Variants in SBF2 observed in about 807,000 individuals in gnomAD.
The protein encoded by SBF2 is myotubularin-related protein 13.
Under a neutral mutation model 225.2 loss-of-function variants are expected in SBF2, and 112 were observed. The observed-to-expected ratio is 0.50, with a 90% CI of 0.43 to 0.58. The LOEUF is 0.58. Among genes scored for constraint, SBF2 ranks in the 20% least tolerant of loss-of-function variants. The probability of loss-of-function intolerance (pLI) is 0.00; values close to 1 mark genes in which losing one functional copy is unlikely to be tolerated. For missense variants in SBF2, 1,996 were observed against 2,206.2 expected (o/e 0.90, Z 1.91); for synonymous variants, 763 against 773.3 (o/e 0.99, Z 0.22).
intron 1 of SBF2, among the ~76,000 whole-genome samples, chr11:10,264,626 G>A (rs1367389869): frequency 2.0e-5 from 3 of 151,948 alleles, no homozygotes; most frequent in Admixed American, 6.6e-5. Context: ...AGGTACATGT[G>A]CAGAACGTGC....
intron 16 of SBF2, among the ~76,000 whole-genome samples, chr11:9,952,526 T>C (rs1368313091): frequency 6.6e-6 from 1 of 152,176 alleles, no homozygotes; most frequent in Non-Finnish European, 1.5e-5. Flanking sequence ...GGAAAAGGCT[T>C]TCTCGGGTCT....
intron 2 of SBF2, among the ~76,000 whole-genome samples, chr11:10,081,653 G>A (rs901276097): frequency 5.9e-5 from 9 of 151,718 alleles, no homozygotes; most frequent in African/African-American, 1.7e-4. Context: ...CTAGCTACTC[G>A]GGAGGCTGAG....
chr11:10,036,796 T>C (rs916408554), intron 3 of SBF2, among the ~76,000 whole-genome samples: 7 of 152,198 alleles, frequency 4.6e-5, no homozygotes, highest in East Asian at 3.8e-4. Flanking sequence ...AAAGATAACA[T>C]CTGAGACGCC....
At chr11:10,135,273 A>G (rs1954291989) in intron 2 of SBF2, among the ~76,000 whole-genome samples, 1 of 151,956 alleles carries the variant, frequency 6.6e-6, no homozygotes, top group African/African-American at 2.4e-5. Context: ...TGGCCCAGGA[A>G]ACCATTTTTT....
chr11:9,996,851 CA>C (rs1947726373), intron 9 of SBF2, among the ~76,000 whole-genome samples: 1 of 152,160 alleles, frequency 6.6e-6, no homozygotes, highest in African/African-American at 2.4e-5. Context: ...TTTTGGCAAA[CA>C]ATCACCTAGT....
intron 17 of SBF2, among the ~76,000 whole-genome samples, chr11:9,868,044 T>C (rs1386210707): frequency 6.6e-6 from 1 of 152,142 alleles, no homozygotes; most frequent in African/African-American, 2.4e-5. Context: ...ATGTTTGAGG[T>C]GATGGATATT....
intron 2 of SBF2, among the ~76,000 whole-genome samples, chr11:10,093,846 C>T (rs538444387): frequency 2.6e-5 from 4 of 152,290 alleles, no homozygotes; most frequent in African/African-American, 9.6e-5. Flanking sequence ...ATAATACCAA[C>T]ATTCTTGTCA....
chr11:10,006,907 T>G (rs577642724), intron 6 of SBF2, among the ~76,000 whole-genome samples: 2 of 152,318 alleles, frequency 1.3e-5, no homozygotes, highest in Non-Finnish European at 2.9e-5. Flanking sequence ...ATAATCATTT[T>G]GTTGCAAGAA....
chr11:9,928,252 C>T (rs773706130), intron 16 of SBF2, among the ~76,000 whole-genome samples: 5 of 152,096 alleles, frequency 3.3e-5, no homozygotes, highest in Middle Eastern at 3.4e-3. Context: ...TTTCCAAACT[C>T]GGTAATAAGA....
In SBF2 at chr11:10,225,816, A is replaced by T. The variant is rs145435289; in HGVS notation, c.56-31829T>A. Among the ~76,000 whole-genome samples, 124 of 152,320 alleles carry T rather than the reference A, an allele frequency of 8.1e-4. 1 individual carries two copies. The highest frequency in any genetic ancestry group is 2.8e-3 in the African/African-American group (117 of 41,592). ...TTTGTAATAAGGTTGGCAAAAGTTA[A>T]ATTGACTGACAATGCCCACAGCTGA... On this transcript the variant is annotated intron_variant, in intron 1 of 39. Transcript: ENST00000256190.
chr11:9,995,275 A>T (rs4309158), intron 9 of SBF2, among the ~76,000 whole-genome samples: 79,659 of 152,040 alleles, frequency 0.52, 21,412 homozygotes, highest in Admixed American at 0.62. Context: ...AGGACCTGTG[A>T]AGGACTTGCA....
chr11:10,168,628 A>G (rs960575758), intron 2 of SBF2, among the ~76,000 whole-genome samples: 6 of 152,248 alleles, frequency 3.9e-5, no homozygotes, highest in African/African-American at 1.4e-4. Flanking sequence ...GAAATTTTAA[A>G]GAGGCCAGAA....
intron 2 of SBF2, among the ~76,000 whole-genome samples, chr11:10,070,871 T>C (rs1206950623): frequency 1.3e-5 from 2 of 152,186 alleles, no homozygotes; most frequent in Non-Finnish European, 2.9e-5. Context: ...GAAGAAGTCC[T>C]TCACATCCCT....
rs182467870 is a variant in SBF2, at chr11:10,027,731, T to C, written c.619+721A>G. ...TATATTTCTTAAATAATGTAAAAGC[T>C]GTCCAAGGTACAGTGGACACTTTCT... On this transcript the variant is annotated intron_variant, in intron 6 of 39. Transcript: ENST00000256190. Among the ~76,000 whole-genome samples the C allele has an allele frequency of 6.5e-4, 99 of 152,280 alleles. 1 individual carries two copies. The highest frequency in any genetic ancestry group is 2.0e-3 in the African/African-American group (83 of 41,560).
intron 1 of SBF2, among the ~76,000 whole-genome samples, chr11:10,226,601 T>C (rs564424002): frequency 3.3e-5 from 5 of 152,244 alleles, no homozygotes; most frequent in Admixed American, 6.5e-5. Flanking sequence ...GTCCTTGTGA[T>C]AGTTTGCTGA....
At chr11:10,224,901 T>G (rs993759575) in intron 1 of SBF2, among the ~76,000 whole-genome samples, 6 of 152,192 alleles carry the variant, frequency 3.9e-5, no homozygotes, top group African/African-American at 1.4e-4. Flanking sequence ...CCTGCATGAT[T>G]TACCAGGATG....
chr11:10,196,866 A>ATATATATATATATATTTTTTTTTT lies in SBF2; in HGVS notation c.56-2880_56-2879insAAAAAAAAAATATATATATATATA. Among the ~76,000 whole-genome samples, 22 of 99,280 alleles carry ATATATATATATATATTTTTTTTTT rather than the reference A, an allele frequency of 2.2e-4. 1 individual carries two copies. Among genetic ancestry groups the ATATATATATATATATTTTTTTTTT allele is most frequent in the African/African-American group, 4.0e-4 (10 of 24,794 alleles). The allele number at this position is 99,280 out of a possible 152,430, so 65.1% of individuals were successfully genotyped here. A position where few individuals can be genotyped will look rare whatever the true frequency, so the allele number is the denominator to read the frequency against. ...TATATATATATATATATATATATAT[A>ATATATATATATATATTTTTTTTTT]TTTTTTTTTTCCTACAAAATGAATA... On this transcript the variant is annotated intron_variant, in intron 1 of 39. Coordinates refer to ENST00000256190, the MANE Select transcript of SBF2 (RefSeq NM_030962.4).
At chr11:10,020,029 T>C (rs560428934) in intron 6 of SBF2, among the ~76,000 whole-genome samples, 6 of 152,230 alleles carry the variant, frequency 3.9e-5, no homozygotes, top group African/African-American at 1.4e-4. Context: ...AGAACCTCCT[T>C]CCCCTGCCCA....
intron 2 of SBF2, among the ~76,000 whole-genome samples, chr11:10,157,853 C>T (rs1473529670): frequency 6.6e-6 from 1 of 152,128 alleles, no homozygotes; most frequent in Non-Finnish European, 1.5e-5. Flanking sequence ...CCTAACAGAC[C>T]TATACAGAAC....
Sources: allele counts gnomAD v4.1 joint callset (sites outside exome capture counted in the v4.1 genomes callset), GRCh38; gene constraint gnomAD v4.1.1; transcripts MANE v1.5; gene names NCBI Gene and HGNC (gene_info 2026-07-23, HGNC 2026-07-21).